XIRP2: variants seen among roughly 807,000 people sequenced by gnomAD.
XIRP2 encodes the protein xin actin-binding repeat-containing protein 2.
A neutral mutation model predicts 277.0 loss-of-function variants in XIRP2; 236 were observed. That is an observed-to-expected ratio of 0.85 (90% CI 0.77 to 0.95). XIRP2 has a LOEUF of 0.95. XIRP2 is among the 40% of genes least tolerant of loss of function. The pLI is 0.00. For missense variants in XIRP2, 4,640 were observed against 4,157.5 expected, an observed-to-expected ratio of 1.12 and a Z score of -3.19; for synonymous variants, 1,490 against 1,416.5, an observed-to-expected ratio of 1.05 and a Z score of -1.17.
At chr2:166,967,912 C>T (rs1686472424) in intron 2 of XIRP2, among the ~76,000 whole-genome samples, 1 of 151,890 alleles carries the variant, frequency 6.6e-6, no homozygotes. Context: ...GAGGGCTATA[C>T]TGGTGAAATC....
rs545557977 is a variant in XIRP2, at chr2:167,232,375, A to T, written c.859-7480A>T. On this transcript the variant is annotated intron_variant, in intron 5 of 10. Transcript: ENST00000409195. ...GCCAGAATGGTTTGGAAGTGTCACA[A>T]TACATACAGGCTCCTTTTTCCTTCT... is the stretch of plus-strand genomic sequence containing the variant. Among the ~76,000 whole-genome samples, 5 of 152,068 alleles carry T rather than the reference A, an allele frequency of 3.3e-5. No individual in the cohort carries two copies. The South Asian group carries it at 6.2e-4, about 19-fold the overall frequency.
chr2:167,170,087 G>A (rs1277256150), intron 3 of XIRP2, among the ~76,000 whole-genome samples: 1 of 152,092 alleles, frequency 6.6e-6, no homozygotes, highest in African/African-American at 2.4e-5. Flanking sequence ...TTTGTTGAGA[G>A]TTTTAATCAT....
chr2:166,915,299 CAA>C lies in XIRP2; in HGVS notation c.408+11431_408+11432del, dbSNP rs993808427. 5.3e-3 allele frequency among the ~76,000 whole-genome samples: 212 copies of C among 40,092 alleles called. 1 individual carries two copies. Among genetic ancestry groups the C allele is most frequent in the African/African-American group, 0.013 (139 of 10,600 alleles). 26.3% of individuals were successfully genotyped at this position (40,092 alleles called of 152,430 possible). ...TGGGCGACACAGCAAGACTCCGTCT[CAA>C]AAAAAAAAAAAAAAAAAAAAAGAAA... On this transcript the variant is annotated intron_variant, in intron 2 of 10. Transcript: ENST00000409195.
At chr2:167,144,003 T>A (rs888074361) in intron 3 of XIRP2, among the ~76,000 whole-genome samples, 2 of 152,114 alleles carry the variant, frequency 1.3e-5, no homozygotes, top group Non-Finnish European at 2.9e-5. Context: ...CATTATTCAT[T>A]ATAGACATTT....
intron 2 of XIRP2, among the ~76,000 whole-genome samples, chr2:166,955,350 G>A (rs1686135129): frequency 6.6e-6 from 1 of 151,782 alleles, no homozygotes; most frequent in African/African-American, 2.4e-5. Flanking sequence ...TACATAAAAT[G>A]TCCAGAAAAG....
At chr2:167,220,408 C>T (rs1020083398) in intron 5 of XIRP2, among the ~76,000 whole-genome samples, 2 of 152,152 alleles carry the variant, frequency 1.3e-5, no homozygotes, top group African/African-American at 2.4e-5. Context: ...AGTATCCACC[C>T]CATGGATTTG....
intron 2 of XIRP2, among the ~76,000 whole-genome samples, chr2:166,939,441 G>C (rs565940340): frequency 7.2e-5 from 11 of 151,988 alleles, no homozygotes; most frequent in Non-Finnish European, 1.2e-4. Flanking sequence ...AGCACTTTGG[G>C]AGGCTGAGGC....
At chr2:167,156,378 T>G (rs181527094) in intron 3 of XIRP2, among the ~76,000 whole-genome samples, 225 of 152,258 alleles carry the variant, frequency 1.5e-3, no homozygotes, top group African/African-American at 5.1e-3. Context: ...TGAAAATAAC[T>G]TATCACACTG....
At chr2:167,173,478 T>C (rs886902962) in intron 3 of XIRP2, among the ~76,000 whole-genome samples, 1 of 152,250 alleles carries the variant, frequency 6.6e-6, no homozygotes, top group African/African-American at 2.4e-5. Context: ...TTTTCATGGC[T>C]GAATACTACT....
intron 2 of XIRP2, among the ~76,000 whole-genome samples, chr2:166,934,497 G>A (rs1685438853): frequency 6.6e-6 from 1 of 152,204 alleles, no homozygotes; most frequent in Non-Finnish European, 1.5e-5. Flanking sequence ...AGACCCTGAA[G>A]CAGAGAACAT....
In XIRP2 at chr2:166,958,862, A is replaced by T. The variant is rs553690963; in HGVS notation, c.408+54972A>T. 2.5e-4 allele frequency among the ~76,000 whole-genome samples: 38 copies of T among 151,948 alleles called. No homozygotes were observed. In the South Asian group the frequency reaches 7.7e-3, roughly 31 times the overall value. On this transcript the variant is annotated intron_variant, in intron 2 of 10. Coordinates refer to ENST00000409195, the MANE Select transcript of XIRP2 (RefSeq NM_152381.6). ...ATCATAAATAAATAATCAGCCTTTC[A>T]TTCAGCATTATGTATTCATGGAATT...
At chr2:167,050,823 T>A (rs4146251) in intron 2 of XIRP2, among the ~76,000 whole-genome samples, 2 of 148,090 alleles carry the variant, frequency 1.4e-5, no homozygotes, top group Non-Finnish European at 3.0e-5. Context: ...TTTTTTTTTT[T>A]AATAATTGCC....
At chr2:167,011,466 C>T (rs960740983) in intron 2 of XIRP2, among the ~76,000 whole-genome samples, 67 of 151,346 alleles carry the variant, frequency 4.4e-4, no homozygotes, top group South Asian at 2.1e-3. Flanking sequence ...CTGCTGGATT[C>T]GGTTTGCCAG....
At chr2:167,082,479 T>A (rs1270347395) in intron 2 of XIRP2, among the ~76,000 whole-genome samples, 1 of 152,022 alleles carries the variant, frequency 6.6e-6, no homozygotes, top group African/African-American at 2.4e-5. Context: ...GATGGCTGGG[T>A]CAAATGGTAT....
At position 166,903,613 on chromosome 2, in the gene XIRP2, T is replaced by C. The variant is rs1020051317; in HGVS notation, c.131T>C (p.Leu44Pro). The C allele has an allele frequency of 1.2e-6, 2 of 1,613,476 alleles. No individual in the cohort carries two copies. The highest frequency in any genetic ancestry group is 2.7e-5 in the African/African-American group (2 of 74,870). Reference protein sequence around the residue: ...TIFQPQESKLLAPEGEVVSAP... With the variant: ...TIFQPQESKLPAPEGEVVSAP... ...TTCCAGCCTCAGGAAAGCAAATTGC[T>C]TGCGCCTGAAGGAGAGGTAGTATCA... is the stretch of plus-strand genomic sequence containing the variant. Residue 44 changes from leucine (L) to proline (P), a missense_variant, in exon 2 of 11, where the codon CTT becomes CCT. Leu to Pro is a moderately conservative substitution (Grantham distance 98). Transcript: ENST00000409195.
At position 167,250,781 on chromosome 2, in the gene XIRP2, C is replaced by T. The variant is rs1416745409; in HGVS notation, c.9389C>T (p.Ala3130Val). The T allele has an allele frequency of 1.9e-6, 3 of 1,613,384 alleles. No individual in the cohort carries two copies. The highest frequency in any genetic ancestry group is 1.7e-5 in the Admixed American group (1 of 59,950). Reference protein sequence around the residue: ...SPTFITIESTARRTENPTKNE... With the variant: ...SPTFITIESTVRRTENPTKNE... The stretch of plus-strand genomic sequence containing the variant: ...ACTTTTATCACAATAGAATCTACTG[C>T]CCGACGAACAGAAAACCCTACTAAG... The change falls in exon 9 of 11, where the codon GCC becomes GTC. Residue 3130 changes from alanine (A) to valine (V), a missense_variant. Coordinates refer to ENST00000409195, the MANE Select transcript of XIRP2 (RefSeq NM_152381.6).
intron 5 of XIRP2, among the ~76,000 whole-genome samples, chr2:167,221,682 G>A (rs1694437744): frequency 6.6e-6 from 1 of 152,088 alleles, no homozygotes; most frequent in African/African-American, 2.4e-5. Flanking sequence ...CAAGATGTTT[G>A]CTGGTAAACA....
intron 2 of XIRP2, among the ~76,000 whole-genome samples, chr2:166,935,408 T>A (rs1206318430): frequency 6.6e-6 from 1 of 152,118 alleles, no homozygotes; most frequent in African/African-American, 2.4e-5. Context: ...AGTCTTACAT[T>A]TGTTTTTGTT....
intron 2 of XIRP2, among the ~76,000 whole-genome samples, chr2:167,020,462 A>T (rs1300080391): frequency 6.6e-6 from 1 of 152,042 alleles, no homozygotes; most frequent in African/African-American, 2.4e-5. Context: ...AGTATATACA[A>T]TGTATTGCAT....
Sources: gnomAD v4.1 joint callset for allele counts (sites outside exome capture counted in the v4.1 genomes callset) on GRCh38, gnomAD v4.1.1 for gene constraint, MANE v1.5 for transcripts, NCBI Gene and HGNC (gene_info 2026-07-23, HGNC 2026-07-21) for gene names.